COG8: variants seen among roughly 807,000 people sequenced by gnomAD.
COG8 encodes the protein conserved oligomeric Golgi complex subunit 8.
In COG8, 45 loss-of-function variants were observed where a neutral mutation model predicts 46.5. The observed-to-expected ratio is 0.97, with a 90% CI of 0.76 to 1.24. COG8 has a LOEUF of 1.24. Among genes scored for constraint, COG8 ranks in the 50% most tolerant of loss-of-function variants. The pLI, the probability that COG8 is intolerant of heterozygous loss-of-function variation, is 0.00. For synonymous variants in COG8, 407 were observed against 347.8 expected (o/e 1.17, Z -1.90); for missense variants, 793 against 820.8 (o/e 0.97, Z 0.41).
Position 69,334,908 on chromosome 16 carries a change from C to T in COG8, c.1026G>A (p.Leu342=), listed in dbSNP as rs987419118. 1 of 1,614,042 alleles carries T rather than the reference C, an allele frequency of 6.2e-7. No homozygotes were observed. The part of the protein sequence containing the change: ...TDLYRGIGGH[L]DSLLGQCMYF... Reference sequence around the variant, plus strand: ...ACATGCACTGGCCCAGCAGAGAGTCCAGGTGGCCGCCTATGCCCCGGTAAA... The same window carrying T: ...ACATGCACTGGCCCAGCAGAGAGTCTAGGTGGCCGCCTATGCCCCGGTAAA... The change falls in exon 3 of 6, where the codon CTG becomes CTA. Residue 342 remains leucine, a synonymous_variant. Coordinates refer to ENST00000306875, the MANE Select transcript of COG8 (RefSeq NM_032382.5).
rs772400702 is a variant in COG8 at position 69,335,208 on chromosome 16, C to T, written c.726G>A (p.Glu242=). 14 of 1,614,074 alleles carry T rather than the reference C, an allele frequency of 8.7e-6. No individual in the cohort carries two copies. The East Asian group carries it at 3.1e-4, about 36-fold the overall frequency. Residue 242 remains glutamate, a synonymous_variant, in exon 3 of 6, where the codon GAG becomes GAA. Coordinates refer to ENST00000306875, the MANE Select transcript of COG8 (RefSeq NM_032382.5). ...LRRMDVFTEA[E]LRVKFLQARD... is the part of the protein sequence containing the mutation. The stretch of plus-strand genomic sequence containing the variant: ...GGGCCTGAAGAAACTTCACCCTCAA[C>T]TCAGCCTCAGTGAAGACGTCCATGC...
rs2012406877 is a variant in COG8, at chr16:69,339,394, C to G, written c.159G>C (p.Leu53Phe). The change falls in exon 1 of 6, where the codon TTG (leucine) becomes TTC (phenylalanine). Residue 53 changes from leucine (L) to phenylalanine (F), a missense_variant. Coordinates refer to ENST00000306875, the MANE Select transcript of COG8 (RefSeq NM_032382.5). ...GCAGCCGCTCCAGCCCCGAGCCGCT[C>G]AACTCCCGGAGGTAGCGGCCCACAT... ...RPDVGRYLRE[L>F]SGSGLERLRR... 5 of 1,585,986 alleles carry G rather than the reference C, an allele frequency of 3.2e-6. No individual in the cohort carries two copies. In the East Asian group the frequency reaches 6.8e-5, roughly 22 times the overall value.
intron 5 of COG8, among the ~76,000 whole-genome samples, chr16:69,329,550 G>A (rs957423069): frequency 3.3e-5 from 5 of 152,204 alleles, no homozygotes; most frequent in Non-Finnish European, 7.3e-5. Flanking sequence ...ATCTTGAACC[G>A]ACGGGCTTGC....
At chr16:69,336,011 T>A (rs2143356582) in intron 2 of COG8, among the ~76,000 whole-genome samples, 1 of 152,130 alleles carries the variant, frequency 6.6e-6, no homozygotes, top group South Asian at 2.1e-4. Flanking sequence ...ACACCTCAAT[T>A]TCTGCCCACT....
Position 69,326,476 on chromosome 16 carries a change from T to C in COG8, c.*2730A>G, listed in dbSNP as rs1165691942. 6.6e-6 allele frequency: 1 copy of C among 152,254 alleles called. No individual in the cohort carries two copies. Among genetic ancestry groups the C allele is most frequent in the East Asian group, 1.9e-4 (1 of 5,206 alleles). 9.4% of individuals were successfully genotyped at this position (152,254 alleles called of 1,614,324 possible). A position where few individuals can be genotyped will look rare whatever the true frequency, so the allele number is the denominator to read the frequency against. ...TTACTTCTAGTTACATTTACTTGAATCAGAACGTTGTTTCCTCATTCCTAC... is the reference window on the plus strand; with the variant it reads ...TTACTTCTAGTTACATTTACTTGAACCAGAACGTTGTTTCCTCATTCCTAC... On this transcript the variant is annotated 3_prime_UTR_variant, in exon 6 of 6. Transcript: ENST00000306875.
At chr16:69,330,212 C>G in intron 5 of COG8, 1 of 1,452,986 alleles carries the variant, frequency 6.9e-7, no homozygotes, top group Non-Finnish European at 9.0e-7. Context: ...CAGCACCTGC[C>G]GCGGCACCCC....
At chr16:69,330,303 G>A in intron 5 of COG8, 3 of 1,433,298 alleles carry the variant, frequency 2.1e-6, no homozygotes, top group Non-Finnish European at 2.7e-6. Context: ...TGCAGCTCGG[G>A]CCCGCCTAGC....
At chr16:69,331,764 G>A (rs1258645430) in intron 4 of COG8, among the ~76,000 whole-genome samples, 2 of 151,996 alleles carry the variant, frequency 1.3e-5, no homozygotes, top group Non-Finnish European at 2.9e-5. Flanking sequence ...GCCTCCCAAA[G>A]TGCTGGGATT....
Position 69,335,222 on chromosome 16 carries a change from A to G in COG8, c.712T>C (p.Phe238Leu), listed in dbSNP as rs1256366780. 2.5e-6 allele frequency: 4 copies of G among 1,614,032 alleles called. No individual in the cohort carries two copies. The African/African-American group carries it at 5.3e-5, about 22-fold the overall frequency. The change falls in exon 3 of 6, where the codon TTC (phenylalanine) becomes CTC (leucine). Residue 238 changes from phenylalanine to leucine, a missense_variant. By Grantham distance (22) the Phe-to-Leu change is conservative (BLOSUM62 0). Transcript: ENST00000306875. ...TTCACCCTCAACTCAGCCTCAGTGA[A>G]GACGTCCATGCGCCGCAGGTAGCCA... ...VIGYLRRMDV[F>L]TEAELRVKFL...
At chr16:69,333,128 G>A (rs1270302421) in intron 3 of COG8, among the ~76,000 whole-genome samples, 2 of 151,816 alleles carry the variant, frequency 1.3e-5, no homozygotes, top group South Asian at 2.1e-4. Context: ...TTCCAGTGGA[G>A]GAGTGTCATA....
chr16:69,335,747 T>TA (rs369216113), intron 2 of COG8, among the ~76,000 whole-genome samples: 399 of 142,704 alleles, frequency 2.8e-3, no homozygotes, highest in Middle Eastern at 0.012. Flanking sequence ...ACCCGGGAGA[T>TA]AAAGGTTGCA....
Position 69,334,520 on chromosome 16 carries a change from C to T in COG8, c.1413+1G>A, listed in dbSNP as rs1264383808. 4 of 1,613,934 alleles carry T rather than the reference C, an allele frequency of 2.5e-6. No homozygotes were observed. Among genetic ancestry groups the T allele is most frequent in the South Asian group, 2.2e-5 (2 of 91,056 alleles). ...GCAGAAAACCAACAGAATGTGCTCA[C>T]CTTGGCAAGGGCATCTTCCAAGGCC... On this transcript the variant is annotated splice_donor_variant, in intron 3 of 5. Coordinates refer to ENST00000306875, the MANE Select transcript of COG8 (RefSeq NM_032382.5). LOFTEE classifies it high-confidence loss of function.
chr16:69,332,032 A>G (rs1440426886), intron 4 of COG8, among the ~76,000 whole-genome samples: 1 of 152,120 alleles, frequency 6.6e-6, no homozygotes, highest in African/African-American at 2.4e-5. Flanking sequence ...CCTACCACAA[A>G]GGGACAAGGA....
intron 4 of COG8, chr16:69,332,479 T>C (rs557875516): frequency 8.1e-6 from 5 of 613,720 alleles, no homozygotes; most frequent in African/African-American, 7.4e-5. Flanking sequence ...GATTCCATTT[T>C]TATGAAATGT....
rs1442661504 is a variant in COG8, at chr16:69,336,600, T to C, written c.490A>G (p.Thr164Ala). Residue 164 changes from threonine to alanine, a missense_variant, in exon 2 of 6, where the codon ACC becomes GCC. By Grantham distance (58) the Thr-to-Ala change is moderately conservative. Coordinates refer to ENST00000306875, the MANE Select transcript of COG8 (RefSeq NM_032382.5). ...EILEIPQLMDTCVRNSYYEEA... is the reference protein window; with the variant it reads ...EILEIPQLMDACVRNSYYEEA... ...TCATAATAACTGTTCCGGACACAGGTGTCCATGAGCTGAGGAATCTCCAGT... is the reference window on the plus strand; with the variant it reads ...TCATAATAACTGTTCCGGACACAGGCGTCCATGAGCTGAGGAATCTCCAGT... The C allele has an allele frequency of 9.3e-6, 15 of 1,614,038 alleles. No homozygotes were observed. The highest frequency in any genetic ancestry group is 1.3e-5 in the Non-Finnish European group (15 of 1,180,028).
intron 4 of COG8, among the ~76,000 whole-genome samples, chr16:69,331,995 G>A (rs1481560073): frequency 6.6e-6 from 1 of 152,194 alleles, no homozygotes; most frequent in Non-Finnish European, 1.5e-5. Context: ...TGCCCTTTGG[G>A]AAGCTGTGCC....
rs2012383343 is a variant in COG8, at chr16:69,339,185, T to C, written c.368A>G (p.Gln123Arg). ...GCCAGGCGCGTCGCACCTGCAGCTC[T>C]GCTGGAAGCTGGGCAAACGGTCGAG... ...RLLDRLPSFQQSCRNFVKEAE... is the reference protein window; with the variant it reads ...RLLDRLPSFQRSCRNFVKEAE... The change falls in exon 1 of 6, where the codon CAG becomes CGG. Residue 123 changes from glutamine to arginine, a missense_variant. Gln to Arg is a conservative substitution (Grantham distance 43). Coordinates refer to ENST00000306875, the MANE Select transcript of COG8 (RefSeq NM_032382.5). 5.0e-6 allele frequency: 8 copies of C among 1,612,960 alleles called. No individual in the cohort carries two copies. The highest frequency in any genetic ancestry group is 3.3e-4 in the Middle Eastern group (2 of 6,060).
chr16:69,331,109 G>T lies in COG8; in HGVS notation c.1583-14C>A. On this transcript the variant is annotated splice_polypyrimidine_tract_variant and intron_variant, in intron 4 of 5. Transcript: ENST00000306875. ...TGGGAGGAATGCCTAACCCAGACGT[G>T]GGGAAAGCAAAATGGAAAACAGTTA... 1 of 1,613,532 alleles carries T rather than the reference G, an allele frequency of 6.2e-7. No homozygotes were observed. Among genetic ancestry groups the T allele is most frequent in the Non-Finnish European group, 8.5e-7 (1 of 1,179,826 alleles).
rs990109909 is a variant in COG8 at position 69,326,899 on chromosome 16, G to T, written c.*2307C>A. ...AGTGCTTCCTGCTCAAAGTGGGAGA[G>T]ATTTTACTGGAAATGCAATAAAGTT... is the stretch of plus-strand genomic sequence containing the variant. On this transcript the variant is annotated 3_prime_UTR_variant, in exon 6 of 6. Transcript: ENST00000306875. 1 of 152,170 alleles carries T rather than the reference G, an allele frequency of 6.6e-6. No homozygotes were observed. The highest frequency in any genetic ancestry group is 1.5e-5 in the Non-Finnish European group (1 of 68,032). 9.4% of individuals were successfully genotyped at this position (152,170 alleles called of 1,614,324 possible). A position where few individuals can be genotyped will look rare whatever the true frequency, so the allele number is the denominator to read the frequency against.
Sources: gnomAD v4.1 joint callset for allele counts (sites outside exome capture counted in the v4.1 genomes callset) on GRCh38, gnomAD v4.1.1 for gene constraint, MANE v1.5 for transcripts, NCBI Gene and HGNC (gene_info 2026-07-23, HGNC 2026-07-21) for gene names.